The following MXD1 variants were observed in gnomAD, a reference collection of about 807,000 sequenced individuals.
The protein encoded by MXD1 is MAX dimerization protein 1, also known as MAX-binding protein.
Under a neutral mutation model 25.7 loss-of-function variants are expected in MXD1, and 9 were observed. That is an observed-to-expected ratio of 0.35 (90% CI 0.21 to 0.61). MXD1 has a LOEUF of 0.61. Ranked by LOEUF, MXD1 falls within the 20% of genes least tolerant of loss-of-function variation. MXD1 has a pLI of 0.75. For missense variants in MXD1, 227 were observed against 292.4 expected, an observed-to-expected ratio of 0.78 and a Z score of 1.63; for synonymous variants, 99 against 113.9, an observed-to-expected ratio of 0.87 and a Z score of 0.83.
At chr2:69,937,466 G>C in intron 5 of MXD1, 72 bp downstream of exon 5, 1 of 1,410,548 alleles carries the variant, frequency 7.1e-7, no homozygotes. Flanking sequence ...CAGTACTGCG[G>C]ACAGGAGGCA....
intron 3 of MXD1, among the ~76,000 whole-genome samples, chr2:69,933,225 C>CAAAA: frequency 9.0e-6 from 1 of 111,288 alleles, no homozygotes; most frequent in Non-Finnish European, 1.9e-5. Flanking sequence ...AAAAAAAAAA[C>CAAAA]AAAAAAAGAA....
At position 69,915,968 on chromosome 2, in the gene MXD1, T is replaced by A. The variant is rs1174862116; in HGVS notation, c.74-153T>A. Among the ~76,000 whole-genome samples, 12 of 152,248 alleles carry A rather than the reference T, an allele frequency of 7.9e-5. No individual in the cohort carries two copies. Among genetic ancestry groups the A allele is most frequent in the East Asian group, 3.8e-4 (2 of 5,202 alleles). On this transcript the variant is annotated intron_variant, in intron 1 of 5. Coordinates refer to ENST00000264444, the MANE Select transcript of MXD1 (RefSeq NM_002357.4). This position sits in a 1 kb window ranked among gnomAD's most constrained non-coding sequence, Gnocchi z 5.8. ...TGACGATATTCACACAATTTTTTTT[T>A]AAATCATTGTTCTCAGAATTCCACC...
rs1380088353 is a variant in MXD1 at position 69,942,121 on chromosome 2, G to A, written c.*3837G>A. On this transcript the variant is annotated 3_prime_UTR_variant, in exon 6 of 6. Coordinates refer to ENST00000264444, the MANE Select transcript of MXD1 (RefSeq NM_002357.4). ...AACATCAGGTAGTAAAAGGCTAAAC[G>A]CAATTTCTTGCATGTCAATCTATTC... 2.6e-5 allele frequency: 4 copies of A among 152,120 alleles called. No homozygotes were observed. Among genetic ancestry groups the A allele is most frequent in the East Asian group, 1.9e-4 (1 of 5,204 alleles). 9.4% of individuals were successfully genotyped at this position (152,120 alleles called of 1,614,324 possible).
rs969007517 is a variant in MXD1 at position 69,941,043 on chromosome 2, G to A, written c.*2759G>A. The A allele has an allele frequency of 1.3e-5, 2 of 152,326 alleles. No homozygotes were observed. The highest frequency in any genetic ancestry group is 1.3e-4 in the Admixed American group (2 of 15,288). 9.4% of individuals were successfully genotyped at this position (152,326 alleles called of 1,614,324 possible). A position where few individuals can be genotyped will look rare whatever the true frequency, so the allele number is the denominator to read the frequency against. On this transcript the variant is annotated 3_prime_UTR_variant, in exon 6 of 6. Transcript: ENST00000264444. Reference sequence around the variant, plus strand: ...GGATTTTGGGGTTGGGAGGGGATGGGCAGAGATATAAACCCCAGCCTTTAA... The same window carrying A: ...GGATTTTGGGGTTGGGAGGGGATGGACAGAGATATAAACCCCAGCCTTTAA...
chr2:69,940,911 C>G lies in MXD1; in HGVS notation c.*2627C>G, dbSNP rs954212361. The G allele has an allele frequency of 1.3e-5, 2 of 152,678 alleles. No homozygotes were observed. Among genetic ancestry groups the G allele is most frequent in the Non-Finnish European group, 1.5e-5 (1 of 68,058 alleles). 9.5% of individuals were successfully genotyped at this position (152,678 alleles called of 1,614,324 possible). A position where few individuals can be genotyped will look rare whatever the true frequency, so the allele number is the denominator to read the frequency against. ...GTGCGGCTGATCGGCAGCCCTGATT[C>G]GCCAATTTGTCCTCTCTCATTCACT... On this transcript the variant is annotated 3_prime_UTR_variant, in exon 6 of 6. Transcript: ENST00000264444.
At chr2:69,922,879 CAAAA>C (rs34830116) in intron 3 of MXD1, among the ~76,000 whole-genome samples, 2 of 115,082 alleles carry the variant, frequency 1.7e-5, no homozygotes, top group African/African-American at 6.0e-5. Context: ...GACTCCGTCT[CAAAA>C]AAAAAAAAAA....
At chr2:69,921,529 CTT>C (rs1332718545) in intron 2 of MXD1, among the ~76,000 whole-genome samples, 1 of 152,168 alleles carries the variant, frequency 6.6e-6, no homozygotes, top group African/African-American at 2.4e-5. Context: ...TGGTTTGTCG[CTT>C]TACCTTGAAC....
At position 69,940,534 on chromosome 2, in the gene MXD1, C is replaced by A. The variant is rs1161725712; in HGVS notation, c.*2250C>A. On this transcript the variant is annotated 3_prime_UTR_variant, in exon 6 of 6. Transcript: ENST00000264444. ...TTAGAAATAAGGCATCCAAGAGATG[C>A]CATTATTTTCTGTGTTTCAATTGTT... 2.6e-5 allele frequency: 4 copies of A among 152,554 alleles called. No homozygotes were observed. The highest frequency in any genetic ancestry group is 5.9e-5 in the Non-Finnish European group (4 of 68,028). The allele number at this position is 152,554 out of a possible 1,614,324, so 9.5% of individuals were successfully genotyped here. A position where few individuals can be genotyped will look rare whatever the true frequency, so the allele number is the denominator to read the frequency against.
rs373492726 is a variant in MXD1 at position 69,941,863 on chromosome 2, TACACACACAC to T, written c.*3593_*3602del. On this transcript the variant is annotated 3_prime_UTR_variant, in exon 6 of 6. Transcript: ENST00000264444. ...CTTATTTTTGAAAAGTATCTATATA[TACACACACAC>T]ACACACACACACATATTATTATTTA... 2.8e-5 allele frequency: 4 copies of T among 144,736 alleles called. No individual in the cohort carries two copies. Among genetic ancestry groups the T allele is most frequent in the Admixed American group, 1.6e-4 (2 of 12,738 alleles). 9.0% of individuals were successfully genotyped at this position (144,736 alleles called of 1,614,324 possible).
Position 69,940,145 on chromosome 2 carries a change from G to T in MXD1, c.*1861G>T, listed in dbSNP as rs1677562238. On this transcript the variant is annotated 3_prime_UTR_variant, in exon 6 of 6. Coordinates refer to ENST00000264444, the MANE Select transcript of MXD1 (RefSeq NM_002357.4). ...TGGGGGGAGGGGCAGGTGACACAAA[G>T]GATTTTTTTTTTTTTTTTTTAATTT... 6.8e-6 allele frequency: 1 copy of T among 147,642 alleles called. No homozygotes were observed. The highest frequency in any genetic ancestry group is 1.5e-5 in the Non-Finnish European group (1 of 67,540). 9.1% of individuals were successfully genotyped at this position (147,642 alleles called of 1,614,324 possible). A position where few individuals can be genotyped will look rare whatever the true frequency, so the allele number is the denominator to read the frequency against.
At position 69,915,664 on chromosome 2, in the gene MXD1, C is replaced by T. The variant is rs1364068793; in HGVS notation, c.73+261C>T. Among the ~76,000 whole-genome samples the T allele has an allele frequency of 6.6e-6, 1 of 152,186 alleles. No homozygotes were observed. Among genetic ancestry groups the T allele is most frequent in the Non-Finnish European group, 1.5e-5 (1 of 68,022 alleles). ...CCCCAGCCCTTCACGAGTGGGTGGC[C>T]GGGGCCCCCTCCGATAGCCTCCCTG... On this transcript the variant is annotated intron_variant, in intron 1 of 5. Coordinates refer to ENST00000264444, the MANE Select transcript of MXD1 (RefSeq NM_002357.4). The surrounding 1 kb of genome is among the most constrained non-coding windows in gnomAD (Gnocchi z 5.8).
chr2:69,930,199 A>G (rs1449249910), intron 3 of MXD1, among the ~76,000 whole-genome samples: 1 of 152,198 alleles, frequency 6.6e-6, no homozygotes, highest in East Asian at 1.9e-4. Flanking sequence ...TTTTCTTCCC[A>G]TAGATCCTTC....
At chr2:69,916,839 T>C (rs770371464) in intron 2 of MXD1, among the ~76,000 whole-genome samples, 3 of 152,252 alleles carry the variant, frequency 2.0e-5, no homozygotes, top group Non-Finnish European at 4.4e-5. Context: ...GTTAGCCTTA[T>C]CGATTATCTT....
At position 69,938,355 on chromosome 2, in the gene MXD1, TG is replaced by T. The variant is rs1677509502; in HGVS notation, c.*72del. 5 of 1,483,392 alleles carry T rather than the reference TG, an allele frequency of 3.4e-6. No homozygotes were observed. The highest frequency in any genetic ancestry group is 4.6e-6 in the Non-Finnish European group (5 of 1,081,220). 91.9% of individuals were successfully genotyped at this position (1,483,392 alleles called of 1,614,324 possible). A position where few individuals can be genotyped will look rare whatever the true frequency, so the allele number is the denominator to read the frequency against. ...TTCTGATTAGGTAACGTATTGGACCTGCCCACAACTCCCTTGCACGTAAACT... is the reference window on the plus strand; with the variant it reads ...TTCTGATTAGGTAACGTATTGGACCTCCCACAACTCCCTTGCACGTAAACT... On this transcript the variant is annotated 3_prime_UTR_variant, in exon 6 of 6. Transcript: ENST00000264444.
chr2:69,923,720 A>G (rs1396689829), intron 3 of MXD1, among the ~76,000 whole-genome samples: 1 of 152,184 alleles, frequency 6.6e-6, no homozygotes, highest in East Asian at 1.9e-4. Context: ...TGCTTTAGCT[A>G]TTTACATATC....
intron 3 of MXD1, among the ~76,000 whole-genome samples, chr2:69,932,467 C>G (rs1401838894): frequency 6.6e-6 from 1 of 152,124 alleles, no homozygotes; most frequent in East Asian, 1.9e-4. Context: ...AGCAGTGAGG[C>G]GCCGGAGAAG....
chr2:69,929,540 G>C (rs1677238993), intron 3 of MXD1, among the ~76,000 whole-genome samples: 1 of 152,222 alleles, frequency 6.6e-6, no homozygotes, highest in African/African-American at 2.4e-5. Context: ...CAGTGCCAAA[G>C]CTCTGGTAGG....
intron 3 of MXD1, among the ~76,000 whole-genome samples, chr2:69,930,505 C>A (rs1337100491): frequency 6.6e-6 from 1 of 152,228 alleles, no homozygotes; most frequent in Non-Finnish European, 1.5e-5. Flanking sequence ...ATTTTGCATT[C>A]ATTGGCCTTA....
intron 3 of MXD1, among the ~76,000 whole-genome samples, chr2:69,930,394 C>T (rs1169512559): frequency 6.6e-6 from 1 of 152,122 alleles, no homozygotes; most frequent in African/African-American, 2.4e-5. Flanking sequence ...GACACTTGCT[C>T]CTGCAGCAAG....
Sources: allele counts gnomAD v4.1 joint callset (sites outside exome capture counted in the v4.1 genomes callset), GRCh38; gene constraint gnomAD v4.1.1; non-coding constraint Gnocchi (gnomAD v3.1); transcripts MANE v1.5; gene names NCBI Gene and HGNC (gene_info 2026-07-23, HGNC 2026-07-21).